Variants in MTUS2 observed in about 807,000 individuals in gnomAD.
MTUS2 encodes the protein microtubule-associated tumor suppressor candidate 2.
Under a neutral mutation model 114.1 loss-of-function variants are expected in MTUS2, and 40 were observed. The observed-to-expected ratio is 0.35, with a 90% CI of 0.27 to 0.46. The LOEUF is 0.46. Among genes scored for constraint, MTUS2 ranks in the 20% least tolerant of loss-of-function variants. The pLI is 1.00. For synonymous variants in MTUS2, 688 were observed against 672.0 expected (o/e 1.02, Z -0.37); for missense variants, 1,679 against 1,705.4 (o/e 0.98, Z 0.27).
At chr13:28,861,134 G>T (rs1366159650) in intron 2 of MTUS2, among the ~76,000 whole-genome samples, 1 of 152,194 alleles carries the variant, frequency 6.6e-6, no homozygotes, top group African/African-American at 2.4e-5. Context: ...CAGTGTTGTG[G>T]CATTAAGTAG....
chr13:29,472,430 T>C (rs558105780), intron 9 of MTUS2, among the ~76,000 whole-genome samples: 1 of 152,300 alleles, frequency 6.6e-6, no homozygotes, highest in East Asian at 1.9e-4. Flanking sequence ...GGGTAGTGTG[T>C]CCGGGATCCC....
chr13:29,308,856 T>C (rs985996515), intron 6 of MTUS2, among the ~76,000 whole-genome samples: 1 of 151,788 alleles, frequency 6.6e-6, no homozygotes. Context: ...TACCATCTTA[T>C]GGCAGTCAAA....
rs146565238 is a variant in MTUS2 at position 29,257,245 on chromosome 13, G to A, written c.2645-24459G>A. On this transcript the variant is annotated intron_variant, in intron 5 of 15. Transcript: ENST00000612955. Reference sequence around the variant, plus strand: ...TGTCAGTCCTTTATTGAAAACTTGCGGTGGCTTCGTGTTGCCTTCAGAATG... The same window carrying A: ...TGTCAGTCCTTTATTGAAAACTTGCAGTGGCTTCGTGTTGCCTTCAGAATG... Among the ~76,000 whole-genome samples, 230 of 152,218 alleles carry A rather than the reference G, an allele frequency of 1.5e-3. 2 individuals are homozygous for A. The highest frequency in any genetic ancestry group is 3.6e-3 in the African/African-American group (151 of 41,538).
chr13:29,146,425 C>T (rs192926809), intron 5 of MTUS2, among the ~76,000 whole-genome samples: 60 of 152,250 alleles, frequency 3.9e-4, no homozygotes, highest in African/African-American at 1.0e-3. Flanking sequence ...GAGTTACACT[C>T]GCATTTCTTA....
chr13:29,177,560 C>A (rs563708882), intron 5 of MTUS2, among the ~76,000 whole-genome samples: 1 of 152,034 alleles, frequency 6.6e-6, no homozygotes, highest in Non-Finnish European at 1.5e-5. Flanking sequence ...CTTCACTAGT[C>A]GACACAGTGC....
At chr13:28,862,640 T>C (rs1377757363) in intron 2 of MTUS2, among the ~76,000 whole-genome samples, 1 of 152,158 alleles carries the variant, frequency 6.6e-6, no homozygotes, top group African/African-American at 2.4e-5. Context: ...CCAAACCCTC[T>C]ACACACAAGT....
At chr13:28,932,171 C>G (rs1881654801) in intron 2 of MTUS2, among the ~76,000 whole-genome samples, 1 of 152,154 alleles carries the variant, frequency 6.6e-6, no homozygotes, top group Admixed American at 6.6e-5. Flanking sequence ...AGGAAATGGT[C>G]TCCCTTGAGA....
At chr13:29,435,101 G>C (rs948909557) in intron 8 of MTUS2, among the ~76,000 whole-genome samples, 1 of 152,198 alleles carries the variant, frequency 6.6e-6, no homozygotes, top group African/African-American at 2.4e-5. Context: ...GTGCAAAGGA[G>C]AGCGGTACAT....
At position 29,115,377 on chromosome 13, in the gene MTUS2, A is replaced by G. The variant is rs529936424; in HGVS notation, c.2644+14407A>G. On this transcript the variant is annotated intron_variant, in intron 5 of 15. Coordinates refer to ENST00000612955, the MANE Select transcript of MTUS2 (RefSeq NM_001033602.4). ...TGGAGTTTGAATATCAAGGAGTCCT[A>G]TGTGCATGTGTGAATTTGGCATTGG... 5.3e-4 allele frequency among the ~76,000 whole-genome samples: 81 copies of G among 152,316 alleles called. 1 individual carries two copies. Among genetic ancestry groups the G allele is most frequent in the South Asian group, 2.5e-3 (12 of 4,820 alleles).
intron 2 of MTUS2, among the ~76,000 whole-genome samples, chr13:29,003,837 G>A (rs1885487268): frequency 6.6e-6 from 1 of 152,212 alleles, no homozygotes; most frequent in South Asian, 2.1e-4. Flanking sequence ...CAGCCTCCGT[G>A]GATGGCTCTT....
chr13:29,341,741 T>G (rs1901412812), intron 7 of MTUS2, among the ~76,000 whole-genome samples: 2 of 152,166 alleles, frequency 1.3e-5, no homozygotes, highest in African/African-American at 4.8e-5. Flanking sequence ...CAAGGGTTTT[T>G]CTGATGTTAT....
chr13:29,494,818 C>T (rs1008554829), intron 12 of MTUS2, among the ~76,000 whole-genome samples: 1 of 152,076 alleles, frequency 6.6e-6, no homozygotes. Context: ...GGGGGCAGAT[C>T]ACCTGAGGTC....
chr13:29,005,396 T>G (rs915844496), intron 2 of MTUS2, among the ~76,000 whole-genome samples: 6 of 152,096 alleles, frequency 3.9e-5, no homozygotes, highest in African/African-American at 1.4e-4. Context: ...AAATGGTGAT[T>G]TATCTATGAA....
At chr13:28,897,865 A>G (rs1297321547) in intron 2 of MTUS2, among the ~76,000 whole-genome samples, 1 of 139,416 alleles carries the variant, frequency 7.2e-6, no homozygotes, top group Non-Finnish European at 1.5e-5. Context: ...GAACATGGAC[A>G]CAAGAAGGGG....
At chr13:29,448,330 G>A (rs1024055998) in intron 9 of MTUS2, among the ~76,000 whole-genome samples, 1 of 152,164 alleles carries the variant, frequency 6.6e-6, no homozygotes, top group Non-Finnish European at 1.5e-5. Context: ...CACCTGTCAC[G>A]CTCTTTCCTG....
chr13:29,177,504 A>G (rs1040264479), intron 5 of MTUS2, among the ~76,000 whole-genome samples: 3 of 144,954 alleles, frequency 2.1e-5, no homozygotes, highest in African/African-American at 2.9e-5. Context: ...CTTTTCCCCA[A>G]ACTTCCCTAA....
intron 9 of MTUS2, among the ~76,000 whole-genome samples, chr13:29,449,590 G>A (rs1878540995): frequency 6.6e-6 from 1 of 151,954 alleles, no homozygotes; most frequent in Admixed American, 6.6e-5. Flanking sequence ...CAGCTGGTGT[G>A]GGACAAAAGT....
At chr13:28,888,437 G>A (rs1263859219) in intron 2 of MTUS2, among the ~76,000 whole-genome samples, 1 of 41,298 alleles carries the variant, frequency 2.4e-5, no homozygotes, top group Non-Finnish European at 6.0e-5. Flanking sequence ...TTTTTTTTTT[G>A]ATAGATGGAG....
In MTUS2 at chr13:29,502,979, T is replaced by C. The variant is rs1283710700; in HGVS notation, c.3897-14T>C. 4.2e-5 allele frequency: 67 copies of C among 1,613,024 alleles called. No individual in the cohort carries two copies. The highest frequency in any genetic ancestry group is 5.3e-5 in the Non-Finnish European group (63 of 1,179,386). ...TAGCATGATTGCTACTTATTTGTCA[T>C]TGTGCCCATGCAGACAGCTGTCGGA... On this transcript the variant is annotated splice_polypyrimidine_tract_variant and intron_variant, in intron 15 of 15. Transcript: ENST00000612955.
Sources: gnomAD v4.1 joint callset for allele counts (sites outside exome capture counted in the v4.1 genomes callset) on GRCh38, gnomAD v4.1.1 for gene constraint, MANE v1.5 for transcripts, NCBI Gene and HGNC (gene_info 2026-07-23, HGNC 2026-07-21) for gene names.